The following ELK4 variants were observed in gnomAD, a reference collection of about 807,000 sequenced individuals.
The protein encoded by ELK4 is ETS domain-containing protein Elk-4.
Under a neutral mutation model 29.6 loss-of-function variants are expected in ELK4, and 16 were observed. That is an observed-to-expected ratio of 0.54 (90% CI 0.37 to 0.82). The LOEUF (loss-of-function observed/expected upper bound fraction) is 0.82, where lower values mean the gene tolerates loss of function less well. ELK4 is among the 40% of genes least tolerant of loss of function. The pLI is 0.00. For synonymous variants in ELK4, 213 were observed against 191.1 expected, an observed-to-expected ratio of 1.11 and a Z score of -0.95; for missense variants, 465 against 507.1, an observed-to-expected ratio of 0.92 and a Z score of 0.80.
At chr1:205,617,676 C>T (rs931026978) in intron 4 of ELK4, among the ~76,000 whole-genome samples, 11 of 151,296 alleles carry the variant, frequency 7.3e-5, no homozygotes, top group East Asian at 5.8e-4. Flanking sequence ...CTGAGGCGGG[C>T]GGATCACCTG....
chr1:205,619,475 T>G, intron 3 of ELK4: 5 of 1,060,646 alleles, frequency 4.7e-6, no homozygotes, highest in Non-Finnish European at 5.7e-6. Flanking sequence ...AGCATGTTTG[T>G]TTTTTTTTAA....
chr1:205,612,260 A>G lies in ELK4; in HGVS notation c.*4286T>C. On this transcript the variant is annotated 3_prime_UTR_variant, in exon 5 of 5. Coordinates refer to ENST00000357992, the MANE Select transcript of ELK4 (RefSeq NM_001973.4). The stretch of plus-strand genomic sequence containing the variant: ...AGGATTTCTCCATATATCATAAGAG[A>G]GCATCATATATGTTTGGAGATTAGA... 1 of 205,496 alleles carries G rather than the reference A, an allele frequency of 4.9e-6. No homozygotes were observed. 12.7% of individuals were successfully genotyped at this position (205,496 alleles called of 1,614,324 possible).
chr1:205,631,469 C>G (rs1256922675), intron 1 of ELK4, among the ~76,000 whole-genome samples, 163 bp downstream of exon 1: 4 of 150,872 alleles, frequency 2.7e-5, no homozygotes, highest in South Asian at 2.1e-4. Flanking sequence ...CGCCGCGGTG[C>G]CCGGCGGGCC....
Position 205,612,393 on chromosome 1 carries a change from G to A in ELK4, c.*4153C>T, listed in dbSNP as rs6688760. On this transcript the variant is annotated 3_prime_UTR_variant, in exon 5 of 5. Transcript: ENST00000357992. ...AGAAAATACTATAACTGCTACTCAAGAATTACTTTTTATGCCATCCTTCAC... is the reference window on the plus strand; with the variant it reads ...AGAAAATACTATAACTGCTACTCAAAAATTACTTTTTATGCCATCCTTCAC... The A allele has an allele frequency of 0.11, 23,316 of 218,536 alleles. 1,645 individuals carry two copies. Among genetic ancestry groups the A allele is most frequent in the East Asian group, 0.24 (3,498 of 14,654 alleles). 13.5% of individuals were successfully genotyped at this position (218,536 alleles called of 1,614,324 possible).
rs1161249860 is a variant in ELK4 at position 205,616,354 on chromosome 1, A to G, written c.*192T>C. 3.3e-5 allele frequency: 16 copies of G among 479,236 alleles called. No individual in the cohort carries two copies. The East Asian group carries it at 4.5e-4, about 14-fold the overall frequency. 29.7% of individuals were successfully genotyped at this position (479,236 alleles called of 1,614,324 possible). ...GTGGAGTTTAGACTCCAATTAAGGC[A>G]TTTTTATACATATAGTCCAACTTGA... On this transcript the variant is annotated 3_prime_UTR_variant, in exon 5 of 5. Transcript: ENST00000357992.
At position 205,631,773 on chromosome 1, in the gene ELK4, G is replaced by A. The variant is rs758429698; in HGVS notation, c.-151C>T. 1.6e-5 allele frequency: 4 copies of A among 243,810 alleles called. No individual in the cohort carries two copies. Among genetic ancestry groups the A allele is most frequent in the South Asian group, 1.6e-4 (4 of 24,582 alleles). The allele number at this position is 243,810 out of a possible 1,614,324, so 15.1% of individuals were successfully genotyped here. The stretch of plus-strand genomic sequence containing the variant: ...CCGCGGCGGAGCCGTAGAAGGCGGC[G>A]GCGGCCAAGCCGAGCCCGCCGGGTG... On this transcript the variant is annotated 5_prime_UTR_variant, in exon 1 of 5. Coordinates refer to ENST00000357992, the MANE Select transcript of ELK4 (RefSeq NM_001973.4).
rs1305384967 is a variant in ELK4 at position 205,610,004 on chromosome 1, A to T, written c.*6542T>A. On this transcript the variant is annotated 3_prime_UTR_variant, in exon 5 of 5. Transcript: ENST00000357992. ...TTGAAATTAAACAAACAAAATAATCATTAAGTGCTTCCAGTTATTAAAAAT... is the reference window on the plus strand; with the variant it reads ...TTGAAATTAAACAAACAAAATAATCTTTAAGTGCTTCCAGTTATTAAAAAT... 1.3e-5 allele frequency: 3 copies of T among 230,470 alleles called. No individual in the cohort carries two copies. Among genetic ancestry groups the T allele is most frequent in the Non-Finnish European group, 2.6e-5 (3 of 116,316 alleles). 14.3% of individuals were successfully genotyped at this position (230,470 alleles called of 1,614,324 possible).
At position 205,612,877 on chromosome 1, in the gene ELK4, TA is replaced by T; in HGVS notation, c.*3668del. ...GTAAATCTTCAAGGAATTTTCCAGT[TA>T]AAAAAAATCCAGTAGCCTAATAGAG... On this transcript the variant is annotated 3_prime_UTR_variant, in exon 5 of 5. Coordinates refer to ENST00000357992, the MANE Select transcript of ELK4 (RefSeq NM_001973.4). The T allele has an allele frequency of 3.4e-5, 7 of 203,072 alleles. No individual in the cohort carries two copies. The highest frequency in any genetic ancestry group is 7.6e-5 in the East Asian group (1 of 13,106). The allele number at this position is 203,072 out of a possible 1,614,324, so 12.6% of individuals were successfully genotyped here.
chr1:205,615,639 A>T lies in ELK4; in HGVS notation c.*907T>A, dbSNP rs1278114112. 4.9e-6 allele frequency: 1 copy of T among 203,358 alleles called. No homozygotes were observed. Among genetic ancestry groups the T allele is most frequent in the Non-Finnish European group, 1.0e-5 (1 of 99,150 alleles). 12.6% of individuals were successfully genotyped at this position (203,358 alleles called of 1,614,324 possible). The stretch of plus-strand genomic sequence containing the variant: ...ACTACATGTTGTTTCAAGTTATCTG[A>T]TCGAATCTTTTACTCAGAGATGTTT... On this transcript the variant is annotated 3_prime_UTR_variant, in exon 5 of 5. Coordinates refer to ENST00000357992, the MANE Select transcript of ELK4 (RefSeq NM_001973.4).
chr1:205,620,440 T>C lies in ELK4; in HGVS notation c.606A>G (p.Glu202=). Residue 202 remains glutamate (E), a synonymous_variant, in exon 3 of 5, where the codon GAA becomes GAG. Coordinates refer to ENST00000357992, the MANE Select transcript of ELK4 (RefSeq NM_001973.4). ...VTTPSKKPPV[E]PVAATISIGP... ...CAATTGAAATGGTGGCAGCAACAGG[T>C]TCAACCGGTGGCTTTTTGGAAGGTG... 1.2e-6 allele frequency: 2 copies of C among 1,614,198 alleles called. No homozygotes were observed. Among genetic ancestry groups the C allele is most frequent in the South Asian group, 2.2e-5 (2 of 91,080 alleles).
chr1:205,620,761 T>G lies in ELK4; in HGVS notation c.285A>C (p.Pro95=). The stretch of plus-strand genomic sequence containing the variant: ...CACCCTCAATCCTGCCCACTGTCAT[T>G]GGATCCATGTTCAAAATCTCTGGAT... The part of the protein sequence containing the change: ...VSYPEILNMD[P]MTVGRIEGDC... The change falls in exon 3 of 5, where the codon CCA becomes CCC. Residue 95 remains proline, a synonymous_variant. Transcript: ENST00000357992. The G allele has an allele frequency of 6.2e-7, 1 of 1,614,146 alleles. No homozygotes were observed. Among genetic ancestry groups the G allele is most frequent in the Non-Finnish European group, 8.5e-7 (1 of 1,180,024 alleles).
intron 1 of ELK4, among the ~76,000 whole-genome samples, chr1:205,627,414 G>A (rs555683352): frequency 6.6e-6 from 1 of 151,914 alleles, no homozygotes; most frequent in Non-Finnish European, 1.5e-5. Context: ...GAGGCTGAGG[G>A]AGGAGAATGG....
rs181865427 is a variant in ELK4 at position 205,623,963 on chromosome 1, T to C, written c.-9-72A>G. 5.2e-6 allele frequency: 7 copies of C among 1,343,450 alleles called. No homozygotes were observed. In the East Asian group the frequency reaches 9.3e-5, roughly 18 times the overall value. The allele number at this position is 1,343,450 out of a possible 1,614,324, so 83.2% of individuals were successfully genotyped here. A position where few individuals can be genotyped will look rare whatever the true frequency, so the allele number is the denominator to read the frequency against. On this transcript the variant is annotated intron_variant, in intron 1 of 4. Coordinates refer to ENST00000357992, the MANE Select transcript of ELK4 (RefSeq NM_001973.4). Reference sequence around the variant, plus strand: ...CTATTTAACACTGTATGTCATGCACTGTTTTAAGTGCTCTAAATGTATTAA... The same window carrying C: ...CTATTTAACACTGTATGTCATGCACCGTTTTAAGTGCTCTAAATGTATTAA...
At position 205,620,634 on chromosome 1, in the gene ELK4, G is replaced by A. The variant is rs143034780; in HGVS notation, c.412C>T (p.Arg138Cys). The change falls in exon 3 of 5, where the codon CGC becomes TGC. Residue 138 changes from arginine (R) to cysteine (C), a missense_variant. Physicochemically the swap from Arg to Cys is radical, Grantham distance 180. Coordinates refer to ENST00000357992, the MANE Select transcript of ELK4 (RefSeq NM_001973.4). The part of the protein sequence containing the change: ...PPQPGAKTSS[R>C]NDYIHSGLYS... The stretch of plus-strand genomic sequence containing the variant: ...AAGCCAGAGTGTATGTAGTCATTGC[G>A]GCTAGAGGTCTTGGCACCAGGCTGA... 3.7e-6 allele frequency: 6 copies of A among 1,613,952 alleles called. No homozygotes were observed. The highest frequency in any genetic ancestry group is 1.3e-5 in the African/African-American group (1 of 74,880).
At chr1:205,625,008 T>C (rs1174881846) in intron 1 of ELK4, among the ~76,000 whole-genome samples, 2 of 152,138 alleles carry the variant, frequency 1.3e-5, no homozygotes, top group Non-Finnish European at 2.9e-5. Flanking sequence ...CTAAGAATCT[T>C]ATGATTGAAT....
chr1:205,622,385 T>C (rs1670368867), intron 2 of ELK4, among the ~76,000 whole-genome samples: 1 of 152,150 alleles, frequency 6.6e-6, no homozygotes, highest in East Asian at 1.9e-4. Context: ...TAGATATATG[T>C]GTGTGTGTAT....
In ELK4 at chr1:205,615,234, T is replaced by C. The variant is rs1029989272; in HGVS notation, c.*1312A>G. ...GGTGAAACCCCGTCTCTACTAAAAA[T>C]ACAAAAATTAGCCAGGCGTAGTGGC... On this transcript the variant is annotated 3_prime_UTR_variant, in exon 5 of 5. Coordinates refer to ENST00000357992, the MANE Select transcript of ELK4 (RefSeq NM_001973.4). 1 of 165,348 alleles carries C rather than the reference T, an allele frequency of 6.0e-6. No individual in the cohort carries two copies. The highest frequency in any genetic ancestry group is 1.3e-5 in the Non-Finnish European group (1 of 75,696). 10.2% of individuals were successfully genotyped at this position (165,348 alleles called of 1,614,324 possible). A position where few individuals can be genotyped will look rare whatever the true frequency, so the allele number is the denominator to read the frequency against.
chr1:205,617,965 A>ATGTG lies in ELK4; in HGVS notation c.1197+988_1197+991dup, dbSNP rs71773934. 3.9e-4 allele frequency among the ~76,000 whole-genome samples: 58 copies of ATGTG among 147,602 alleles called. 1 individual carries two copies. Among genetic ancestry groups the ATGTG allele is most frequent in the South Asian group, 1.3e-3 (6 of 4,616 alleles). ...ACCTATGTGCAGAGATCCCCCATAT[A>ATGTG]TGTGTGTGTGTGTGTGTGTGAGAGA... On this transcript the variant is annotated intron_variant, in intron 4 of 4. Coordinates refer to ENST00000357992, the MANE Select transcript of ELK4 (RefSeq NM_001973.4).
chr1:205,623,624 T>C, intron 2 of ELK4, 52 bp downstream of exon 2: 1 of 1,596,292 alleles, frequency 6.3e-7, no homozygotes, highest in East Asian at 2.2e-5. Context: ...CAAGAAGGAA[T>C]CGTTCTTGTC....
Sources: allele counts gnomAD v4.1 joint callset (sites outside exome capture counted in the v4.1 genomes callset), GRCh38; gene constraint gnomAD v4.1.1; transcripts MANE v1.5; gene names NCBI Gene and HGNC (gene_info 2026-07-23, HGNC 2026-07-21).